The following LGI1 variants were observed in gnomAD, a reference collection of about 807,000 sequenced individuals.
LGI1 encodes the protein leucine rich glioma inactivated 1.
A neutral mutation model predicts 57.7 loss-of-function variants in LGI1; 11 were observed. The observed-to-expected ratio is 0.19, with a 90% CI of 0.12 to 0.32. The LOEUF is 0.32. Among genes scored for constraint, LGI1 ranks in the 10% least tolerant of loss-of-function variants. The probability of loss-of-function intolerance (pLI) is 1.00; values close to 1 mark genes in which losing one functional copy is unlikely to be tolerated. For missense variants in LGI1, 422 were observed against 661.9 expected, an observed-to-expected ratio of 0.64 and a Z score of 3.98; for synonymous variants, 222 against 241.9, an observed-to-expected ratio of 0.92 and a Z score of 0.76.
intron 7 of LGI1, chr10:93,794,019 C>CTTTTTTTTTTTTTTTTTT (rs5787082): frequency 4.6e-5 from 4 of 87,836 alleles, no homozygotes; most frequent in East Asian, 3.1e-4. Context: ...CTTTTTTTTT[C>CTTTTTTTTTTTTTTTTTT]TTTTTTTTTT....
intron 2 of LGI1, chr10:93,764,297 G>T: frequency 6.6e-6 from 1 of 152,318 alleles, no homozygotes; most frequent in Non-Finnish European, 1.5e-5. Flanking sequence ...TGTTGCCCAC[G>T]CTGGTCTCGA....
intron 4 of LGI1, chr10:93,779,083 T>C (rs1296021721): frequency 1.3e-5 from 2 of 152,190 alleles, no homozygotes; most frequent in Non-Finnish European, 2.9e-5. Context: ...ATGAATGCTA[T>C]GCAATTTTAT....
At chr10:93,769,100 T>G (rs2059708958) in intron 2 of LGI1, 2 of 152,256 alleles carry the variant, frequency 1.3e-5, no homozygotes, top group African/African-American at 2.4e-5. Context: ...TGTGTGCATT[T>G]AACTAAAGTG....
chr10:93,767,150 G>A (rs1589754238), intron 2 of LGI1: 1 of 152,310 alleles, frequency 6.6e-6, no homozygotes, highest in Middle Eastern at 3.4e-3. Flanking sequence ...CTTTGAAAGA[G>A]TGGCCGCATT....
intron 2 of LGI1, among the ~76,000 whole-genome samples, chr10:93,773,230 GT>G (rs1279408127): frequency 2.0e-5 from 3 of 152,088 alleles, no homozygotes; most frequent in Non-Finnish European, 4.4e-5. Flanking sequence ...AGGCATTATT[GT>G]TTAATTACAT....
intron 7 of LGI1, among the ~76,000 whole-genome samples, chr10:93,794,316 C>T (rs12264508): frequency 0.097 from 14,505 of 149,294 alleles, 1,518 homozygotes; most frequent in African/African-American, 0.26. Context: ...CGCACCCGGC[C>T]GGAATCTAAT....
chr10:93,766,648 G>A (rs1302928060), intron 2 of LGI1: 2 of 151,482 alleles, frequency 1.3e-5, no homozygotes, highest in African/African-American at 4.9e-5. Flanking sequence ...GGGACTACAG[G>A]CGCCCGCCAC....
intron 4 of LGI1, among the ~76,000 whole-genome samples, chr10:93,784,000 A>C (rs1454813487): frequency 1.3e-5 from 2 of 152,222 alleles, no homozygotes; most frequent in African/African-American, 4.8e-5. Flanking sequence ...TGACAGAGTG[A>C]GACTCCATCT....
chr10:93,797,509 G>C lies in LGI1; in HGVS notation c.1380G>C (p.Trp460Cys). 6.2e-7 allele frequency: 1 copy of C among 1,614,176 alleles called. No homozygotes were observed. Among genetic ancestry groups the C allele is most frequent in the Non-Finnish European group, 8.5e-7 (1 of 1,180,028 alleles). Residue 460 changes from tryptophan (W) to cysteine (C), a missense_variant, in exon 8 of 8, where the codon TGG (tryptophan) becomes TGC (cysteine). Physicochemically the swap from Trp to Cys is radical, Grantham distance 215. Transcript: ENST00000371418. The surrounding 1 kb of genome is among the most constrained non-coding windows in gnomAD (Gnocchi z 6.5). ...TTGGTGATTCCAAAGTCATGAAATGGGGAGGCTCCTCGTTCCAGGATATTC... is the reference window on the plus strand; with the variant it reads ...TTGGTGATTCCAAAGTCATGAAATGCGGAGGCTCCTCGTTCCAGGATATTC... ...RFIGDSKVMKWGGSSFQDIQR... is the reference protein window; with the variant it reads ...RFIGDSKVMKCGGSSFQDIQR...
chr10:93,774,927 T>C (rs954929699), intron 2 of LGI1, among the ~76,000 whole-genome samples: 1 of 152,234 alleles, frequency 6.6e-6, no homozygotes, highest in Admixed American at 6.5e-5. Flanking sequence ...GATAATAAAA[T>C]GGATAGCCCA....
rs752672428 is a variant in LGI1, at chr10:93,797,781, T to C, written c.1652T>C (p.Val551Ala). ...FKGNTQIYKH[V>A]IVDLSA is the part of the protein sequence containing the mutation. The stretch of plus-strand genomic sequence containing the variant: ...GGAAATACACAGATTTACAAACATG[T>C]CATAGTTGACTTAAGCGCATGAGAC... The change falls in exon 8 of 8, where the codon GTC becomes GCC. Residue 551 changes from valine to alanine, a missense_variant. Transcript: ENST00000371418. This position sits in a 1 kb window ranked among gnomAD's most constrained non-coding sequence, Gnocchi z 6.5. 6.2e-7 allele frequency: 1 copy of C among 1,602,810 alleles called. No individual in the cohort carries two copies. Among genetic ancestry groups the C allele is most frequent in the Non-Finnish European group, 8.5e-7 (1 of 1,179,826 alleles).
chr10:93,759,017 CA>C, intron 2 of LGI1, 186 bp downstream of exon 2: 1 of 609,658 alleles, frequency 1.6e-6, no homozygotes, highest in Non-Finnish European at 2.9e-6. Context: ...TTGATTCTTA[CA>C]ATGGTAAATC....
In LGI1 at chr10:93,797,642, G is replaced by A. The variant is rs1175653743; in HGVS notation, c.1513G>A (p.Asp505Asn). ...CTCCTTTACTCAAGTGTATAACTGGGATGCAGAGAAAGCCAAATTTGTGAA... is the reference window on the plus strand; with the variant it reads ...CTCCTTTACTCAAGTGTATAACTGGAATGCAGAGAAAGCCAAATTTGTGAA... ...DYSFTQVYNW[D>N]AEKAKFVKFQ... The change falls in exon 8 of 8, where the codon GAT (aspartate) becomes AAT (asparagine). Residue 505 changes from aspartate to asparagine, a missense_variant. By Grantham distance (23) the Asp-to-Asn change is conservative (BLOSUM62 1). Around this residue, in one of 3 missense-constraint regions of LGI1, gnomAD observed 301 missense variants for 461.7 expected, o/e 0.65. Coordinates refer to ENST00000371418, the MANE Select transcript of LGI1 (RefSeq NM_005097.4). The surrounding 1 kb of genome is among the most constrained non-coding windows in gnomAD (Gnocchi z 6.5). The A allele has an allele frequency of 8.1e-6, 13 of 1,614,150 alleles. No individual in the cohort carries two copies. The highest frequency in any genetic ancestry group is 1.0e-5 in the Non-Finnish European group (12 of 1,180,012).
At chr10:93,785,509 T>C (rs1167728457) in intron 4 of LGI1, among the ~76,000 whole-genome samples, 4 of 152,192 alleles carry the variant, frequency 2.6e-5, no homozygotes, top group Non-Finnish European at 4.4e-5. Flanking sequence ...ACGTTCAAAT[T>C]TATTCCCTGG....
intron 5 of LGI1, chr10:93,791,238 T>G (rs1197495463): frequency 1.3e-5 from 2 of 152,194 alleles, no homozygotes; most frequent in African/African-American, 4.8e-5. Context: ...ATAGTTATCC[T>G]CTCTGGTTTA....
chr10:93,761,389 T>A (rs2059621394), intron 2 of LGI1, among the ~76,000 whole-genome samples: 1 of 152,244 alleles, frequency 6.6e-6, no homozygotes, highest in South Asian at 2.1e-4. Flanking sequence ...TCAGAATCAA[T>A]TCGGCTTGAT....
At chr10:93,783,564 G>A (rs533980148) in intron 4 of LGI1, among the ~76,000 whole-genome samples, 25 of 152,204 alleles carry the variant, frequency 1.6e-4, no homozygotes, top group Admixed American at 8.5e-4. Flanking sequence ...CCAGCTGGTG[G>A]GGACTGCACT....
At chr10:93,784,045 C>T (rs2059874421) in intron 4 of LGI1, among the ~76,000 whole-genome samples, 1 of 152,136 alleles carries the variant, frequency 6.6e-6, no homozygotes, top group African/African-American at 2.4e-5. Context: ...ATAAAAGTAT[C>T]TATTGAGGGC....
chr10:93,792,518 G>A (rs2059945667), intron 5 of LGI1: 3 of 601,708 alleles, frequency 5.0e-6, no homozygotes, highest in Admixed American at 2.5e-5. Context: ...GAATTCAAGA[G>A]GGAGTAAGTG....
Sources: gnomAD v4.1 joint callset for allele counts (sites outside exome capture counted in the v4.1 genomes callset) on GRCh38, gnomAD v4.1.1 for gene constraint, gnomAD v4.1.1 regional missense constraint, Gnocchi (gnomAD v3.1) non-coding constraint, MANE v1.5 for transcripts, NCBI Gene and HGNC (gene_info 2026-07-23, HGNC 2026-07-21) for gene names.